UTY: variants seen among roughly 807,000 people sequenced by gnomAD.
UTY encodes ubiquitously transcribed tetratricopeptide repeat containing, Y-linked, also known as histone demethylase UTY.
In UTY, 12 loss-of-function variants were observed where a neutral mutation model predicts 32.5. The observed-to-expected ratio is 0.37, with a 90% confidence interval of 0.24 to 0.60. UTY has a LOEUF of 0.60. UTY is among the 20% of genes least tolerant of loss of function. UTY has a pLI of 0.69. For missense variants in UTY, 303 were observed against 299.2 expected, an observed-to-expected ratio of 1.01 and a Z score of -0.09; for synonymous variants, 131 against 103.4, an observed-to-expected ratio of 1.27 and a Z score of -1.62.
chrY:13,464,178 G>A (rs980781963), intron 3 of UTY, among the ~76,000 whole-genome samples: 3 of 33,610 alleles, frequency 8.9e-5, no homozygotes, highest in Non-Finnish European at 1.5e-4. Context: ...TATATGCAAC[G>A]ATTTATCAGC....
chrY:13,266,372 T>G, intron 27 of UTY, among the ~76,000 whole-genome samples: 5 of 33,338 alleles, frequency 1.5e-4, no homozygotes, highest in Admixed American at 1.4e-3. Context: ...CCCTTTATCA[T>G]TATTTATTGC....
chrY:13,467,969 T>C (rs2078075256), intron 3 of UTY, among the ~76,000 whole-genome samples: 1 of 32,678 alleles, frequency 3.1e-5, no homozygotes, highest in Non-Finnish European at 7.5e-5. Context: ...TCCAATTGTT[T>C]CCTTTGAAAT....
intron 27 of UTY, among the ~76,000 whole-genome samples, chrY:13,289,699 C>G (rs2057643334): frequency 3.0e-5 from 1 of 33,542 alleles, no homozygotes; most frequent in Admixed American, 2.7e-4. Flanking sequence ...GAAGTTTTGT[C>G]TGCGGCTCGT....
Position 13,414,812 on chromosome Y carries a change from A to C in UTY, c.376-19T>G. The C allele has an allele frequency of 5.5e-6, 2 of 362,309 alleles. No homozygotes were observed. Among genetic ancestry groups the C allele is most frequent in the Non-Finnish European group, 7.7e-6 (2 of 259,734 alleles). The allele number at this position is 362,309 out of a possible 400,897, so 90.4% of individuals were successfully genotyped here. A position where few individuals can be genotyped will look rare whatever the true frequency, so the allele number is the denominator to read the frequency against. On this transcript the variant is annotated intron_variant, in intron 4 of 29. Transcript: ENST00000545955. ...CAGCATTCTGTTAATATAAAACACA[A>C]AACAACCTTTATAACAGATTTTATA...
At chrY:13,375,417 A>G in intron 8 of UTY, among the ~76,000 whole-genome samples, 1 of 33,869 alleles carries the variant, frequency 3.0e-5, no homozygotes, top group Non-Finnish European at 7.4e-5. Flanking sequence ...ATCCAAGATA[A>G]TGTCATATAT....
intron 23 of UTY, 118 bp from the exon 24 acceptor site, chrY:13,305,665 T>C: frequency 3.2e-6 from 1 of 310,736 alleles, no homozygotes; most frequent in South Asian, 4.8e-5. Flanking sequence ...GTATAGTCAG[T>C]AGAACTAAAG....
intron 5 of UTY, among the ~76,000 whole-genome samples, chrY:13,411,615 G>A (rs1603451979): frequency 6.1e-5 from 2 of 32,969 alleles, no homozygotes; most frequent in East Asian, 1.6e-3. Context: ...TCAGCCTTCT[G>A]AGTAGCTGGA....
chrY:13,447,260 G>C (rs2075997193), intron 4 of UTY, among the ~76,000 whole-genome samples: 2 of 32,766 alleles, frequency 6.1e-5, no homozygotes, highest in South Asian at 1.4e-3. Flanking sequence ...TGCCGAGAAT[G>C]ATGAAAACCT....
At chrY:13,411,500 TGTTGTA>T (rs2070947886) in intron 5 of UTY, among the ~76,000 whole-genome samples, 1 of 33,601 alleles carries the variant, frequency 3.0e-5, no homozygotes, top group Non-Finnish European at 7.4e-5. Flanking sequence ...TATACTCTTT[TGTTGTA>T]AATGACAAGG....
At chrY:13,276,530 A>C in intron 27 of UTY, among the ~76,000 whole-genome samples, 2 of 33,138 alleles carry the variant, frequency 6.0e-5, no homozygotes, top group Non-Finnish European at 1.5e-4. Context: ...TAACACGGTG[A>C]AACCTCGTCT....
chrY:13,234,281 C>T, downstream of UTY, among the ~76,000 whole-genome samples: 2 of 34,497 alleles, frequency 5.8e-5, no homozygotes, highest in East Asian at 1.6e-3. Flanking sequence ...CACCAGCTCT[C>T]TGTGAGGGTG....
At chrY:13,287,936 C>G in intron 27 of UTY, among the ~76,000 whole-genome samples, 1 of 32,948 alleles carries the variant, frequency 3.0e-5, no homozygotes, top group African/African-American at 1.2e-4. Context: ...TCTCCAGAAC[C>G]AGTATTTCAG....
intron 27 of UTY, among the ~76,000 whole-genome samples, chrY:13,289,273 C>A (rs2057611548): frequency 3.0e-5 from 1 of 33,215 alleles, no homozygotes; most frequent in Non-Finnish European, 7.5e-5. Flanking sequence ...AGAGAGAGAC[C>A]CTCTCATATT....
intron 28 of UTY, among the ~76,000 whole-genome samples, chrY:13,235,167 G>A: frequency 2.9e-5 from 1 of 34,047 alleles, no homozygotes; most frequent in Non-Finnish European, 7.4e-5. Flanking sequence ...CCAAGTCTTG[G>A]CCCCAACCTT....
At chrY:13,366,246 A>G in intron 10 of UTY, 21 bp downstream of exon 10, 1 of 386,841 alleles carries the variant, frequency 2.6e-6, no homozygotes, top group South Asian at 3.1e-5. Flanking sequence ...AACTCTAGAT[A>G]GCACGAGTAT....
intron 8 of UTY, among the ~76,000 whole-genome samples, chrY:13,372,937 T>C: frequency 3.0e-5 from 1 of 33,382 alleles, no homozygotes; most frequent in Non-Finnish European, 7.4e-5. Flanking sequence ...CCCTTGTGTA[T>C]TGCCATTAAG....
intron 6 of UTY, among the ~76,000 whole-genome samples, chrY:13,398,263 A>C (rs2068494812): frequency 6.0e-5 from 2 of 33,506 alleles, no homozygotes; most frequent in African/African-American, 2.3e-4. Context: ...GAATGATCAC[A>C]AATAGCATCA....
chrY:13,338,163 G>A (rs2061225582), intron 17 of UTY, among the ~76,000 whole-genome samples: 1 of 27,112 alleles, frequency 3.7e-5, no homozygotes, highest in South Asian at 9.4e-4. Context: ...CTACAGGCAC[G>A]TGCCAACTGG....
intron 17 of UTY, among the ~76,000 whole-genome samples, chrY:13,352,433 C>A (rs976711717): frequency 6.1e-5 from 2 of 32,992 alleles, no homozygotes; most frequent in Admixed American, 2.8e-4. Flanking sequence ...CTCAGCCTCC[C>A]AAGTGTCTGG....
Sources: gnomAD v4.1 joint callset for allele counts (sites outside exome capture counted in the v4.1 genomes callset) on GRCh38, gnomAD v4.1.1 for gene constraint, MANE v1.5 for transcripts, NCBI Gene and HGNC (gene_info 2026-07-23, HGNC 2026-07-21) for gene names.